Variants in ANO1 observed in about 807,000 individuals in gnomAD.
The protein encoded by ANO1 is anoctamin 1.
A neutral mutation model predicts 124.0 loss-of-function variants in ANO1; 59 were observed. That is an observed-to-expected ratio of 0.48 (90% CI 0.39 to 0.59). The LOEUF is 0.59. ANO1 is among the 20% of genes least tolerant of loss of function. The probability of loss-of-function intolerance (pLI) is 0.00; values close to 1 mark genes in which losing one functional copy is unlikely to be tolerated. For synonymous variants in ANO1, 529 were observed against 532.0 expected, an observed-to-expected ratio of 0.99 and a Z score of 0.08; for missense variants, 1,059 against 1,328.0, an observed-to-expected ratio of 0.80 and a Z score of 3.15.
chr11:70,154,168 T>C (rs1332491638), intron 14 of ANO1, among the ~76,000 whole-genome samples: 1 of 152,178 alleles, frequency 6.6e-6, no homozygotes, highest in Non-Finnish European at 1.5e-5. Context: ...GCACTGACCC[T>C]TGGAGGGATG....
chr11:70,047,679 T>A lies in ANO1; in HGVS notation c.59-30863T>A, dbSNP rs554224588. ...TTCTTTTTGCCATTCAGCCTTCTCA[T>A]GACACTCTAAAATAATTTTGATGAT... On this transcript the variant is annotated intron_variant, in intron 1 of 27. Coordinates refer to the ANO1 transcript ENST00000531349. 7.2e-5 allele frequency among the ~76,000 whole-genome samples: 11 copies of A among 152,362 alleles called. No homozygotes were observed. In the East Asian group the frequency reaches 2.1e-3, roughly 29 times the overall value.
upstream of ANO1, among the ~76,000 whole-genome samples, chr11:69,983,986 T>C (rs1554996562): frequency 6.6e-6 from 1 of 152,196 alleles, no homozygotes; most frequent in East Asian, 1.9e-4. Flanking sequence ...AGGTAAATAA[T>C]GACAGTTAAA....
At chr11:69,989,678 C>A (rs1203921735) in intron 1 of ANO1, among the ~76,000 whole-genome samples, 1 of 152,100 alleles carries the variant, frequency 6.6e-6, no homozygotes, top group Admixed American at 6.5e-5. Context: ...CTAACAGGTC[C>A]CTCTGGCTGT....
At chr11:70,170,484 C>T (rs912225350) in intron 21 of ANO1, among the ~76,000 whole-genome samples, 5 of 152,092 alleles carry the variant, frequency 3.3e-5, no homozygotes, top group African/African-American at 1.2e-4. Flanking sequence ...CCCAGCTACC[C>T]GGGAGGCTGA....
At chr11:70,028,112 T>C (rs889961017) in intron 1 of ANO1, among the ~76,000 whole-genome samples, 1 of 152,262 alleles carries the variant, frequency 6.6e-6, no homozygotes, top group Admixed American at 6.5e-5. Flanking sequence ...GCGCCAATTC[T>C]GGTTGCCAAA....
At chr11:69,987,125 CTG>C (rs1191822758) in intron 1 of ANO1, among the ~76,000 whole-genome samples, 2 of 152,100 alleles carry the variant, frequency 1.3e-5, no homozygotes, top group African/African-American at 4.8e-5. Context: ...AGAAGTGACA[CTG>C]TATACTCATC....
At chr11:69,981,579 T>C (rs2120254551), upstream of ANO1, among the ~76,000 whole-genome samples, 1 of 152,334 alleles carries the variant, frequency 6.6e-6, no homozygotes, top group Middle Eastern at 3.4e-3. Context: ...GGACTGTCAC[T>C]CCAGCAACAG....
chr11:70,127,463 C>T (rs1038921306), intron 10 of ANO1, among the ~76,000 whole-genome samples: 10 of 152,198 alleles, frequency 6.6e-5, no homozygotes, highest in Admixed American at 3.9e-4. Flanking sequence ...TCAGGGAGCT[C>T]GGAAAAGAAG....
At chr11:70,049,768 T>C (rs1387672503) in intron 1 of ANO1, among the ~76,000 whole-genome samples, 1 of 152,184 alleles carries the variant, frequency 6.6e-6, no homozygotes, top group Non-Finnish European at 1.5e-5. Flanking sequence ...TTGCGCAGGC[T>C]GGAGTACAGT....
chr11:70,053,864 T>C (rs1264545367), intron 1 of ANO1, among the ~76,000 whole-genome samples: 1 of 152,210 alleles, frequency 6.6e-6, no homozygotes, highest in Non-Finnish European at 1.5e-5. Flanking sequence ...TATTTGTAGA[T>C]ATAGGACATT....
intron 11 of ANO1, among the ~76,000 whole-genome samples, chr11:70,133,840 T>C (rs1241417131): frequency 1.3e-5 from 2 of 152,062 alleles, no homozygotes; most frequent in Middle Eastern, 3.2e-3. Context: ...TCAGGTGAGG[T>C]GAGGGAGGGG....
chr11:69,968,812 G>A, the ANO1 span, among the ~76,000 whole-genome samples: 1 of 152,204 alleles, frequency 6.6e-6, no homozygotes, highest in Non-Finnish European at 1.5e-5. Flanking sequence ...GGAGCAGCAG[G>A]GAATGGTACT....
At chr11:70,076,457 C>A (rs886150553), upstream of ANO1, among the ~76,000 whole-genome samples, 2 of 151,910 alleles carry the variant, frequency 1.3e-5, no homozygotes, top group African/African-American at 2.4e-5. Context: ...ATGCAAACTG[C>A]ACCTCATAGA....
At chr11:70,152,484 T>G in intron 13 of ANO1, 23 bp downstream of exon 13, 2 of 1,611,590 alleles carry the variant, frequency 1.2e-6, no homozygotes, top group South Asian at 2.2e-5. Flanking sequence ...TTGTCGCTCC[T>G]CTATCTTCCC....
chr11:69,980,277 G>A, the ANO1 span, among the ~76,000 whole-genome samples: 1 of 152,116 alleles, frequency 6.6e-6, no homozygotes, highest in Non-Finnish European at 1.5e-5. Context: ...TTAGGGAAGT[G>A]GGGAATGGGA....
chr11:69,991,555 C>G (rs973341880), intron 1 of ANO1, among the ~76,000 whole-genome samples: 1 of 152,236 alleles, frequency 6.6e-6, no homozygotes, highest in Non-Finnish European at 1.5e-5. Context: ...CAGTTGTGAA[C>G]AGAACCCGAT....
chr11:70,184,899 G>C (rs1025947862), intron 24 of ANO1, among the ~76,000 whole-genome samples: 2 of 152,046 alleles, frequency 1.3e-5, no homozygotes, highest in Non-Finnish European at 2.9e-5. Flanking sequence ...GGCGTGCACT[G>C]CCAGGCCCGG....
At chr11:69,977,745 C>T in the ANO1 span, among the ~76,000 whole-genome samples, 1 of 152,246 alleles carries the variant, frequency 6.6e-6, no homozygotes, top group Non-Finnish European at 1.5e-5. Context: ...CAGATGACTG[C>T]AGCCCCGAGG....
At chr11:70,014,845 T>TC (rs1856672994) in intron 1 of ANO1, 2 of 149,212 alleles carry the variant, frequency 1.3e-5, no homozygotes, top group South Asian at 4.2e-4. Flanking sequence ...TTTTTTTCTT[T>TC]TTTTTTTTTT....
Sources: allele counts gnomAD v4.1 joint callset (sites outside exome capture counted in the v4.1 genomes callset), GRCh38; gene constraint gnomAD v4.1.1; transcripts MANE v1.5; gene names NCBI Gene and HGNC (gene_info 2026-07-23, HGNC 2026-07-21).